Variants in KCNIP1 observed in about 807,000 individuals in gnomAD.
KCNIP1 encodes potassium voltage-gated channel interacting protein 1.
In KCNIP1, 18 loss-of-function variants were observed where a neutral mutation model predicts 33.0. The observed-to-expected ratio is 0.55, with a 90% CI of 0.38 to 0.81. KCNIP1 has a LOEUF of 0.81. KCNIP1 is among the 30% of genes least tolerant of loss of function. The probability of loss-of-function intolerance (pLI) is 0.00; values close to 1 mark genes in which losing one functional copy is unlikely to be tolerated. For synonymous variants in KCNIP1, 93 were observed against 98.3 expected, an observed-to-expected ratio of 0.95 and a Z score of 0.32; for missense variants, 238 against 271.6, an observed-to-expected ratio of 0.88 and a Z score of 0.87.
intron 1 of KCNIP1, among the ~76,000 whole-genome samples, chr5:170,597,677 G>A (rs1014133706): frequency 2.0e-5 from 3 of 151,768 alleles, no homozygotes; most frequent in African/African-American, 4.9e-5. Flanking sequence ...TGTCATGGCT[G>A]ATCTAGAGCC....
At chr5:170,523,117 G>A (rs943675509) in intron 1 of KCNIP1, among the ~76,000 whole-genome samples, 1 of 152,228 alleles carries the variant, frequency 6.6e-6, no homozygotes, top group Admixed American at 6.5e-5. Flanking sequence ...GTGGGAACAG[G>A]TCGAGATGGG....
chr5:170,480,382 C>CCTGA (rs60472201), intron 1 of KCNIP1, among the ~76,000 whole-genome samples: 76,339 of 151,734 alleles, frequency 0.5, 21,455 homozygotes, highest in African/African-American at 0.77. Flanking sequence ...TTAAATGTGG[C>CCTGA]CTAAGAATAT....
At chr5:170,361,585 T>C (rs529433573) in intron 1 of KCNIP1, among the ~76,000 whole-genome samples, 5 of 152,270 alleles carry the variant, frequency 3.3e-5, no homozygotes, top group African/African-American at 9.6e-5. Flanking sequence ...GCCATCAGGC[T>C]GCTTATCAAC....
intron 1 of KCNIP1, among the ~76,000 whole-genome samples, chr5:170,628,820 A>G (rs986224554): frequency 1.6e-4 from 24 of 152,338 alleles, no homozygotes; most frequent in African/African-American, 5.8e-4. Context: ...TGCAGGGTTC[A>G]TGTTTGGAGT....
intron 1 of KCNIP1, among the ~76,000 whole-genome samples, chr5:170,510,244 A>G (rs569529358): frequency 2.6e-5 from 4 of 152,202 alleles, no homozygotes; most frequent in South Asian, 2.1e-4. Context: ...TGAACACACT[A>G]TGAGGTTGTC....
At chr5:170,447,670 G>A (rs1428450121) in intron 1 of KCNIP1, among the ~76,000 whole-genome samples, 2 of 152,052 alleles carry the variant, frequency 1.3e-5, no homozygotes, top group Non-Finnish European at 2.9e-5. Flanking sequence ...GTTTCGTCAT[G>A]TTATTTCAAG....
chr5:170,412,227 G>T (rs914756977), intron 1 of KCNIP1, among the ~76,000 whole-genome samples: 7 of 89,976 alleles, frequency 7.8e-5, no homozygotes, highest in Non-Finnish European at 2.5e-5. Flanking sequence ...GACCTTCCTT[G>T]GCTTTCCATT....
chr5:170,698,846 G>A (rs888074318), intron 1 of KCNIP1, among the ~76,000 whole-genome samples: 7 of 152,156 alleles, frequency 4.6e-5, no homozygotes, highest in African/African-American at 1.7e-4. Context: ...TTGTAAAGTA[G>A]GGATTATTCC....
At chr5:170,474,157 T>C (rs1756797618) in intron 1 of KCNIP1, among the ~76,000 whole-genome samples, 1 of 152,182 alleles carries the variant, frequency 6.6e-6, no homozygotes, top group Non-Finnish European at 1.5e-5. Context: ...TAAAACAATC[T>C]GTATCAGGAA....
In KCNIP1 at chr5:170,652,398, T is replaced by C. The variant is rs138092536; in HGVS notation, c.62-66360T>C. 2.0e-3 allele frequency among the ~76,000 whole-genome samples: 298 copies of C among 147,240 alleles called. 1 individual carries two copies. The highest frequency in any genetic ancestry group is 7.1e-3 in the African/African-American group (282 of 39,666). ...TACTCGGGAGGCTGAGGTGGGAGGA[T>C]AGCTTGAGCCCAGGAGGCAGAGGTT... On this transcript the variant is annotated intron_variant, in intron 1 of 7. Transcript: ENST00000328939.
chr5:170,687,206 G>A (rs1762567637), intron 1 of KCNIP1, among the ~76,000 whole-genome samples: 1 of 150,486 alleles, frequency 6.6e-6, no homozygotes, highest in African/African-American at 2.5e-5. Flanking sequence ...TTTTGAGATG[G>A]AGTCTTGCTC....
chr5:170,354,908 G>A (rs1197832173), intron 1 of KCNIP1, among the ~76,000 whole-genome samples: 10 of 152,190 alleles, frequency 6.6e-5, no homozygotes, highest in Non-Finnish European at 1.5e-5. Flanking sequence ...TTTGGGGGCT[G>A]GGGAGAGAGG....
chr5:170,714,281 G>A (rs922552559), intron 1 of KCNIP1, among the ~76,000 whole-genome samples: 1 of 152,206 alleles, frequency 6.6e-6, no homozygotes, highest in African/African-American at 2.4e-5. Context: ...TTTGCAATTT[G>A]TGCTTGAGGA....
chr5:170,654,352 C>T (rs567909749), intron 1 of KCNIP1, among the ~76,000 whole-genome samples: 2 of 152,198 alleles, frequency 1.3e-5, no homozygotes, highest in East Asian at 1.9e-4. Context: ...ACCAAAGCCC[C>T]GAAGGAGCTC....
intron 1 of KCNIP1, among the ~76,000 whole-genome samples, chr5:170,584,098 T>C (rs144458957): frequency 6.6e-6 from 1 of 152,280 alleles, no homozygotes; most frequent in East Asian, 1.9e-4. Context: ...ACTAAATTAA[T>C]GAGTAGAGGC....
intron 1 of KCNIP1, among the ~76,000 whole-genome samples, chr5:170,359,075 G>T (rs2113283561): frequency 6.6e-6 from 1 of 152,272 alleles, no homozygotes; most frequent in African/African-American, 2.4e-5. Flanking sequence ...TGGGTTATGG[G>T]GAAAGGGAAC....
intron 1 of KCNIP1, among the ~76,000 whole-genome samples, chr5:170,694,880 T>G (rs1762840239): frequency 6.6e-6 from 1 of 152,224 alleles, no homozygotes; most frequent in South Asian, 2.1e-4. Flanking sequence ...CAAATAATTC[T>G]GAAAAATCTT....
chr5:170,390,517 A>AAAAAAAAAAAAAAAT, intron 1 of KCNIP1, among the ~76,000 whole-genome samples: 2 of 74,548 alleles, frequency 2.7e-5, no homozygotes, highest in African/African-American at 1.3e-4. Flanking sequence ...AAAAAAAACA[A>AAAAAAAAAAAAAAAT]ATATATATAT....
At chr5:170,666,925 A>G (rs1455670694) in intron 1 of KCNIP1, among the ~76,000 whole-genome samples, 1 of 152,272 alleles carries the variant, frequency 6.6e-6, no homozygotes, top group Non-Finnish European at 1.5e-5. Context: ...CCAACGTGAT[A>G]GTTGGCCTCA....
Sources: allele counts gnomAD v4.1 joint callset (sites outside exome capture counted in the v4.1 genomes callset), GRCh38; gene constraint gnomAD v4.1.1; transcripts MANE v1.5; gene names NCBI Gene and HGNC (gene_info 2026-07-23, HGNC 2026-07-21).